Variants in OSBPL6 observed in about 807,000 individuals in gnomAD.
OSBPL6 encodes the protein oxysterol binding protein like 6.
A neutral mutation model predicts 125.8 loss-of-function variants in OSBPL6; 49 were observed. The observed-to-expected ratio is 0.39, with a 90% CI of 0.31 to 0.49. The LOEUF (loss-of-function observed/expected upper bound fraction) is 0.49. Among genes scored for constraint, OSBPL6 ranks in the 20% least tolerant of loss-of-function variants. The probability of loss-of-function intolerance (pLI) is 0.88; values close to 1 mark genes in which losing one functional copy is unlikely to be tolerated. For synonymous variants in OSBPL6, 394 were observed against 391.8 expected (o/e 1.01, Z -0.07); for missense variants, 986 against 1,135.4 (o/e 0.87, Z 1.89).
At chr2:178,335,987 A>G (rs3813253) in intron 8 of OSBPL6, among the ~76,000 whole-genome samples, 43,125 of 152,090 alleles carry the variant, frequency 0.28, 6,600 homozygotes, top group Admixed American at 0.39. Flanking sequence ...CAGTAAGGAC[A>G]CTGCAAATAC....
In OSBPL6 at chr2:178,383,250, G is replaced by A. The variant is rs200622460; in HGVS notation, c.1848G>A (p.Ser616=). The A allele has an allele frequency of 1.2e-4, 187 of 1,614,104 alleles. No individual in the cohort carries two copies. Among genetic ancestry groups the A allele is most frequent in the Admixed American group, 1.0e-3 (63 of 60,024 alleles). ...ACAGCGAGCTCCTGGACAAGGCTTC[G>A]GAAACTGATGATCCATATGAGCGCA... ...MEYSELLDKA[S]ETDDPYERMV... The change falls in exon 17 of 25, where the codon TCG becomes TCA. Residue 616 remains serine, a synonymous_variant. Coordinates refer to ENST00000190611, the MANE Select transcript of OSBPL6 (RefSeq NM_032523.4).
chr2:178,273,249 G>A (rs1462006359), intron 1 of OSBPL6, among the ~76,000 whole-genome samples: 1 of 152,184 alleles, frequency 6.6e-6, no homozygotes, highest in African/African-American at 2.4e-5. Flanking sequence ...AGTAGGCTAA[G>A]GAATTTCGGC....
chr2:178,199,164 C>T (rs1270608426), intron 1 of OSBPL6, among the ~76,000 whole-genome samples: 2 of 152,130 alleles, frequency 1.3e-5, no homozygotes, highest in Non-Finnish European at 2.9e-5. Flanking sequence ...AATTATTAAT[C>T]CCTATGTGTG....
At chr2:178,303,776 C>G (rs1686503823) in intron 2 of OSBPL6, among the ~76,000 whole-genome samples, 1 of 152,136 alleles carries the variant, frequency 6.6e-6, no homozygotes, top group Admixed American at 6.5e-5. Context: ...AACCCTGCCT[C>G]CCCGACCATG....
intron 1 of OSBPL6, among the ~76,000 whole-genome samples, chr2:178,233,281 G>C (rs557330743): frequency 3.6e-4 from 55 of 152,260 alleles, no homozygotes; most frequent in African/African-American, 1.3e-3. Flanking sequence ...CACAGTAAAG[G>C]TGAAGTTAGA....
chr2:178,389,028 T>A lies in OSBPL6; in HGVS notation c.2176T>A (p.Trp726Arg). Reference sequence around the variant, plus strand: ...CACTAGGTATGGAGATTACTATGTGTGGAATAAAGTCACCACTTGCATACA... The same window carrying A: ...CACTAGGTATGGAGATTACTATGTGAGGAATAAAGTCACCACTTGCATACA... ...MLPKYGDYYV[W>R]NKVTTCIHNI... is the part of the protein sequence containing the mutation. Residue 726 changes from tryptophan to arginine, a missense_variant, in exon 21 of 25, where the codon TGG becomes AGG. Transcript: ENST00000190611. The A allele has an allele frequency of 6.2e-7, 1 of 1,613,896 alleles. No individual in the cohort carries two copies. Among genetic ancestry groups the A allele is most frequent in the Non-Finnish European group, 8.5e-7 (1 of 1,179,944 alleles).
intron 22 of OSBPL6, among the ~76,000 whole-genome samples, chr2:178,392,116 A>G (rs1472925200): frequency 6.6e-6 from 1 of 152,208 alleles, no homozygotes; most frequent in Non-Finnish European, 1.5e-5. Flanking sequence ...TAGTTAACCA[A>G]TTGAATATTC....
intron 1 of OSBPL6, among the ~76,000 whole-genome samples, chr2:178,278,312 T>A (rs1354706986): frequency 1.3e-5 from 2 of 152,202 alleles, no homozygotes; most frequent in Non-Finnish European, 2.9e-5. Flanking sequence ...CTTTTCCTGT[T>A]ATCTAGGGCT....
At chr2:178,297,646 T>A (rs1255062594) in intron 2 of OSBPL6, among the ~76,000 whole-genome samples, 1 of 152,134 alleles carries the variant, frequency 6.6e-6, no homozygotes, top group Non-Finnish European at 1.5e-5. Context: ...TCTTACAGAA[T>A]CAAGTCAAAT....
intron 9 of OSBPL6, among the ~76,000 whole-genome samples, chr2:178,337,814 A>G (rs751118403): frequency 3.9e-5 from 6 of 152,222 alleles, no homozygotes; most frequent in Admixed American, 1.3e-4. Context: ...CCAGATTTCT[A>G]TGCTTATATA....
At chr2:178,388,118 TG>T (rs1695103821) in intron 20 of OSBPL6, among the ~76,000 whole-genome samples, 1 of 152,210 alleles carries the variant, frequency 6.6e-6, no homozygotes, top group African/African-American at 2.4e-5. Context: ...TTTATGTTGA[TG>T]TAACATTTCA....
chr2:178,315,520 A>G (rs1687656377), intron 3 of OSBPL6, among the ~76,000 whole-genome samples: 1 of 152,104 alleles, frequency 6.6e-6, no homozygotes, highest in Non-Finnish European at 1.5e-5. Context: ...ATGATTCAGA[A>G]CCCAGTGCTA....
intron 1 of OSBPL6, among the ~76,000 whole-genome samples, chr2:178,208,561 C>G (rs1275280069): frequency 5.3e-5 from 8 of 152,042 alleles, no homozygotes; most frequent in Non-Finnish European, 1.5e-5. Flanking sequence ...ACACACCTCT[C>G]TCCTGTATTG....
chr2:178,243,931 G>A (rs576471198), intron 1 of OSBPL6, among the ~76,000 whole-genome samples: 9 of 152,280 alleles, frequency 5.9e-5, no homozygotes, highest in East Asian at 1.9e-4. Flanking sequence ...GATTACAGGC[G>A]TGAGCCAACA....
intron 13 of OSBPL6, 129 bp downstream of exon 13, chr2:178,361,944 C>G (rs1265939422): frequency 7.2e-5 from 80 of 1,103,576 alleles, no homozygotes; most frequent in Non-Finnish European, 1.0e-4. Context: ...GAATTTCCCC[C>G]AAAAGACTGC....
chr2:178,344,529 C>T (rs756078859), intron 11 of OSBPL6, among the ~76,000 whole-genome samples: 7 of 152,140 alleles, frequency 4.6e-5, no homozygotes, highest in South Asian at 4.1e-4. Context: ...TGGCAGGAGT[C>T]GAACACGGGT....
At chr2:178,208,194 A>G (rs1173541157) in intron 1 of OSBPL6, among the ~76,000 whole-genome samples, 1 of 151,860 alleles carries the variant, frequency 6.6e-6, no homozygotes, top group African/African-American at 2.4e-5. Flanking sequence ...CTGAGGCACG[A>G]GAATTGCTTC....
chr2:178,304,810 C>T (rs1331343057), intron 2 of OSBPL6, among the ~76,000 whole-genome samples: 1 of 152,200 alleles, frequency 6.6e-6, no homozygotes, highest in Non-Finnish European at 1.5e-5. Flanking sequence ...ATCTCTGACT[C>T]TAGTCATATT....
At chr2:178,240,092 T>C (rs995206044) in intron 1 of OSBPL6, among the ~76,000 whole-genome samples, 1 of 152,162 alleles carries the variant, frequency 6.6e-6, no homozygotes, top group African/African-American at 2.4e-5. Flanking sequence ...TTTGAAGTCA[T>C]AATATTCAAG....
Sources: gnomAD v4.1 joint callset for allele counts (sites outside exome capture counted in the v4.1 genomes callset) on GRCh38, gnomAD v4.1.1 for gene constraint, MANE v1.5 for transcripts, NCBI Gene and HGNC (gene_info 2026-07-23, HGNC 2026-07-21) for gene names.